Variants in ATP8B3 observed in about 807,000 individuals in gnomAD.
ATP8B3 encodes the protein ATPase phospholipid transporting 8B3, also known as phospholipid-transporting ATPase IK.
ATP8B3 carries 141 observed loss-of-function variants against 140.9 expected under a neutral mutation model. The observed-to-expected ratio is 1.00, with a 90% CI of 0.87 to 1.15. The LOEUF (loss-of-function observed/expected upper bound fraction) is 1.15, where lower values mean the gene tolerates loss of function less well. ATP8B3 is among the 50% of genes most tolerant of loss of function. ATP8B3 has a pLI of 0.00. For missense variants in ATP8B3, 1,874 were observed against 1,740.6 expected (o/e 1.08, Z -1.36); for synonymous variants, 765 against 714.6 (o/e 1.07, Z -1.13).
At position 1,795,784 on chromosome 19, in the gene ATP8B3, T is replaced by TACACACACACACAC. The variant is rs10526864; in HGVS notation, c.2055+77_2055+90dup. The TACACACACACACAC allele has an allele frequency of 2.7e-5, 24 of 894,674 alleles. No individual in the cohort carries two copies. In the African/African-American group the frequency reaches 2.7e-4, roughly 10 times the overall value. 55.4% of individuals were successfully genotyped at this position (894,674 alleles called of 1,614,324 possible). On this transcript the variant is annotated intron_variant, in intron 18 of 28. Transcript: ENST00000310127. ...CCCTGCCTCCTCCTCCTCCTGTCCC[T>TACACACACACACAC]ACACACACACACACACACACACACA...
chr19:1,788,886 G>T lies in ATP8B3; in HGVS notation c.3069+11C>A. The T allele has an allele frequency of 2.5e-6, 4 of 1,575,140 alleles. No individual in the cohort carries two copies. The highest frequency in any genetic ancestry group is 3.4e-6 in the Non-Finnish European group (4 of 1,161,432). Reference sequence around the variant, plus strand: ...GCCCTGGTCATGGGGCAGCCAGGGTGGGGGACGCACCTGGCCGGTGAAGCC... The same window carrying T: ...GCCCTGGTCATGGGGCAGCCAGGGTTGGGGACGCACCTGGCCGGTGAAGCC... On this transcript the variant is annotated intron_variant, in intron 24 of 28. Coordinates refer to ENST00000310127, the MANE Select transcript of ATP8B3 (RefSeq NM_138813.4).
Position 1,785,630 on chromosome 19 carries a change from C to G in ATP8B3, c.3232G>C (p.Val1078Leu). The change falls in exon 26 of 29, where the codon GTC becomes CTC. Residue 1078 changes from valine to leucine, a missense_variant. By Grantham distance (32) the Val-to-Leu change is conservative. Transcript: ENST00000310127. ...GQKDELFNYWVFVQAIAHGVT... is the reference protein window; with the variant it reads ...GQKDELFNYWLFVQAIAHGVT... ...CCATGGGCGATGGCTTGGACGAAGA[C>G]CCAGTAGTTGAAGAGCTCGTCCTTC... 2 of 1,613,288 alleles carry G rather than the reference C, an allele frequency of 1.2e-6. No homozygotes were observed. The highest frequency in any genetic ancestry group is 1.7e-6 in the Non-Finnish European group (2 of 1,179,868).
At chr19:1,785,742 G>T in intron 25 of ATP8B3, 34 bp from the exon 26 acceptor site, 4 of 1,201,184 alleles carry the variant, frequency 3.3e-6, no homozygotes, top group South Asian at 2.6e-5. Flanking sequence ...GGATTGGGTG[G>T]GGGGCGGGGG....
At chr19:1,796,345 C>A in intron 16 of ATP8B3, 80 bp from the exon 17 acceptor site, 2 of 1,303,784 alleles carry the variant, frequency 1.5e-6, no homozygotes, top group Non-Finnish European at 2.1e-6. Flanking sequence ...AGATGGGTAT[C>A]GCCTGGGCTA....
chr19:1,797,311 C>A (rs1398110083), intron 14 of ATP8B3, among the ~76,000 whole-genome samples: 1 of 151,328 alleles, frequency 6.6e-6, no homozygotes, highest in Non-Finnish European at 1.5e-5. Context: ...CAGCCTGGAG[C>A]GGGATGCGGG....
chr19:1,792,543 G>GCCTCT (rs1316817305), intron 18 of ATP8B3, among the ~76,000 whole-genome samples: 1 of 141,942 alleles, frequency 7.0e-6, no homozygotes, highest in Admixed American at 7.6e-5. Flanking sequence ...TCACACCACT[G>GCCTCT]CACTCCAGCC....
chr19:1,791,674 T>G, intron 20 of ATP8B3, 76 bp downstream of exon 20: 1 of 1,157,070 alleles, frequency 8.6e-7, no homozygotes. Flanking sequence ...ATGACAGGTG[T>G]GAGCCTTCAA....
At chr19:1,799,370 G>A (rs112830172) in intron 14 of ATP8B3, 5,778 of 152,970 alleles carry the variant, frequency 0.038, 407 homozygotes, top group African/African-American at 0.13. Context: ...AGGCTGAGGC[G>A]GGAGAATCAA....
intron 22 of ATP8B3, 73 bp from the exon 23 acceptor site, chr19:1,789,800 C>T: frequency 2.5e-6 from 4 of 1,571,996 alleles, no homozygotes; most frequent in Non-Finnish European, 3.4e-6. Context: ...CGGCCCTCGG[C>T]CTCGCCAGCA....
In ATP8B3 at chr19:1,802,449, A is replaced by T. The variant is rs1289869458; in HGVS notation, c.1063+38T>A. On this transcript the variant is annotated intron_variant, in intron 11 of 28. Transcript: ENST00000310127. ...CACATCCATCTACCACGCTCCCATC[A>T]GTACAGCTCCCACTCCAGGACCCTG... The T allele has an allele frequency of 2.6e-6, 3 of 1,171,974 alleles. No individual in the cohort carries two copies. The African/African-American group carries it at 8.6e-5, about 34-fold the overall frequency. The allele number at this position is 1,171,974 out of a possible 1,614,324, so 72.6% of individuals were successfully genotyped here.
chr19:1,800,206 C>A lies in ATP8B3; in HGVS notation c.1344-51G>T. On this transcript the variant is annotated intron_variant, in intron 13 of 28. Transcript: ENST00000310127. This position sits in a 1 kb window ranked among gnomAD's most constrained non-coding sequence, Gnocchi z 4.4. Reference sequence around the variant, plus strand: ...CAGCCCCGCCTGCTGTGTGCCATCCCCATGCCTCCCCGTTCCGCGTTTGCA... The same window carrying A: ...CAGCCCCGCCTGCTGTGTGCCATCCACATGCCTCCCCGTTCCGCGTTTGCA... 6.3e-7 allele frequency: 1 copy of A among 1,593,516 alleles called. No homozygotes were observed. The highest frequency in any genetic ancestry group is 8.6e-7 in the Non-Finnish European group (1 of 1,169,240).
Position 1,782,884 on chromosome 19 carries a change from A to C in ATP8B3, c.*144T>G, listed in dbSNP as rs1194646814. ...TGGTGAGCACATATTTGGGGAGGGC[A>C]GGTTGGTTTTCTGGATGAAGAGCGG... On this transcript the variant is annotated 3_prime_UTR_variant, in exon 29 of 29. Transcript: ENST00000310127. 3.0e-5 allele frequency: 32 copies of C among 1,057,346 alleles called. No individual in the cohort carries two copies. The highest frequency in any genetic ancestry group is 4.0e-5 in the Non-Finnish European group (30 of 743,500). The allele number at this position is 1,057,346 out of a possible 1,614,324, so 65.5% of individuals were successfully genotyped here. A position where few individuals can be genotyped will look rare whatever the true frequency, so the allele number is the denominator to read the frequency against.
At chr19:1,783,921 A>G (rs1350520073) in intron 28 of ATP8B3, among the ~76,000 whole-genome samples, 2 of 152,000 alleles carry the variant, frequency 1.3e-5, no homozygotes, top group African/African-American at 2.4e-5. Context: ...TGCAGCCTCA[A>G]CCTCCCAGGC....
rs759956299 is a variant in ATP8B3, at chr19:1,806,134, C to T, written c.713G>A (p.Gly238Glu). Residue 238 changes from glycine (G) to glutamate (E), a missense_variant, in exon 8 of 29, where the codon GGG becomes GAG. Transcript: ENST00000310127. The surrounding 1 kb of genome is among the most constrained non-coding windows in gnomAD (Gnocchi z 5.6). The part of the protein sequence containing the change: ...KQKKWQDLCV[G>E]DVVCLRKDNI... ...GTCCTTGCGGAGACAGACCACATCC[C>T]CCACGCACAGATCCTGCCATTTCTT... 4 of 1,602,016 alleles carry T rather than the reference C, an allele frequency of 2.5e-6. No homozygotes were observed. In the South Asian group the frequency reaches 4.5e-5, roughly 18 times the overall value.
At position 1,790,761 on chromosome 19, in the gene ATP8B3, T is replaced by C; in HGVS notation, c.2374A>G (p.Ile792Val). Residue 792 changes from isoleucine to valine, a missense_variant, in exon 21 of 29, where the codon ATT (isoleucine) becomes GTT (valine). Ile to Val is a conservative substitution (Grantham distance 29). Coordinates refer to ENST00000310127, the MANE Select transcript of ATP8B3 (RefSeq NM_138813.4). ...CCCCAACTCCCCACTTCTTACCTAATCTCCTTCTCCTCCAGAATGAGCATA... is the reference window on the plus strand; with the variant it reads ...CCCCAACTCCCCACTTCTTACCTAACCTCCTTCTCCTCCAGAATGAGCATA... ...ENMLILEEKE[I>V]SRILETYWEN... 1 of 1,528,858 alleles carries C rather than the reference T, an allele frequency of 6.5e-7. No homozygotes were observed. The highest frequency in any genetic ancestry group is 1.8e-5 in the Admixed American group (1 of 55,590). The allele number at this position is 1,528,858 out of a possible 1,614,324, so 94.7% of individuals were successfully genotyped here.
Position 1,805,299 on chromosome 19 carries a change from TAAC to T in ATP8B3, c.904+72_904+74del, listed in dbSNP as rs1311271620. On this transcript the variant is annotated intron_variant, in intron 10 of 28. Coordinates refer to ENST00000310127, the MANE Select transcript of ATP8B3 (RefSeq NM_138813.4). This position sits in a 1 kb window ranked among gnomAD's most constrained non-coding sequence, Gnocchi z 5.2. ...CAGCACCTTGTTTTAAAAACAGTAA[TAAC>T]AACAACAAAATACCCTAACTTTTAA... is the stretch of plus-strand genomic sequence containing the variant. 8 of 1,408,724 alleles carry T rather than the reference TAAC, an allele frequency of 5.7e-6. No homozygotes were observed. The highest frequency in any genetic ancestry group is 2.5e-5 in the South Asian group (2 of 81,146). 87.3% of individuals were successfully genotyped at this position (1,408,724 alleles called of 1,614,324 possible).
chr19:1,793,983 C>G (rs1486177347), intron 18 of ATP8B3, among the ~76,000 whole-genome samples: 1 of 152,036 alleles, frequency 6.6e-6, no homozygotes, highest in African/African-American at 2.4e-5. Context: ...CTCAAATGAT[C>G]TGCCCGCCTC....
intron 20 of ATP8B3, 35 bp from the exon 21 acceptor site, chr19:1,790,867 C>CCCCCCCCCCAA: frequency 1.3e-6 from 2 of 1,557,686 alleles, no homozygotes; most frequent in Non-Finnish European, 8.7e-7. Flanking sequence ...CTCTGCGACC[C>CCCCCCCCCCAA]GCCCCGCACT....
chr19:1,795,182 G>A (rs990182314), intron 18 of ATP8B3, among the ~76,000 whole-genome samples: 14 of 152,158 alleles, frequency 9.2e-5, no homozygotes, highest in African/African-American at 3.4e-4. Flanking sequence ...TTAAGCCTGG[G>A]AGGCAGAGGT....
Sources: allele counts gnomAD v4.1 joint callset (sites outside exome capture counted in the v4.1 genomes callset), GRCh38; gene constraint gnomAD v4.1.1; non-coding constraint Gnocchi (gnomAD v3.1); transcripts MANE v1.5; gene names NCBI Gene and HGNC (gene_info 2026-07-23, HGNC 2026-07-21).